BCKDHB: variants seen among roughly 807,000 people sequenced by gnomAD.
The protein encoded by BCKDHB is 2-oxoisovalerate dehydrogenase subunit beta, mitochondrial.
A neutral mutation model predicts 48.5 loss-of-function variants in BCKDHB; 41 were observed. That is an observed-to-expected ratio of 0.85 (90% CI 0.66 to 1.10). The LOEUF (loss-of-function observed/expected upper bound fraction) is 1.10, where lower values mean the gene tolerates loss of function less well. Among genes scored for constraint, BCKDHB ranks in the 50% least tolerant of loss-of-function variants. The pLI is 0.00. For synonymous variants in BCKDHB, 201 were observed against 174.8 expected, an observed-to-expected ratio of 1.15 and a Z score of -1.18; for missense variants, 496 against 494.2, an observed-to-expected ratio of 1.00 and a Z score of -0.03.
rs138734744 is a variant in BCKDHB at position 80,179,773 on chromosome 6, C to T, written c.742+8383C>T. Among the ~76,000 whole-genome samples the T allele has an allele frequency of 1.7e-3, 264 of 152,290 alleles. 1 individual carries two copies. The highest frequency in any genetic ancestry group is 6.0e-3 in the African/African-American group (250 of 41,556). On this transcript the variant is annotated intron_variant, in intron 6 of 9. Coordinates refer to ENST00000320393, the MANE Select transcript of BCKDHB (RefSeq NM_183050.4). ...AGTTATAAAAACTACATGTCACAGT[C>T]TGGTCTGGTTACAGGTAGGGGGTTT... is the stretch of plus-strand genomic sequence containing the variant.
At chr6:80,396,196 A>G in the BCKDHB span, among the ~76,000 whole-genome samples, 1 of 152,166 alleles carries the variant, frequency 6.6e-6, no homozygotes, top group Non-Finnish European at 1.5e-5. Flanking sequence ...AGATCCACTG[A>G]CAGCTTGCAC....
chr6:80,234,733 G>T (rs1776075304), intron 8 of BCKDHB, among the ~76,000 whole-genome samples: 1 of 152,212 alleles, frequency 6.6e-6, no homozygotes, highest in African/African-American at 2.4e-5. Context: ...AGATATCTCT[G>T]CTCCCATGTG....
the BCKDHB span, among the ~76,000 whole-genome samples, chr6:80,398,885 AG>A: frequency 5.0e-4 from 76 of 152,286 alleles, no homozygotes; most frequent in East Asian, 0.013. Context: ...CACATCCAAA[AG>A]CTTATCCACC....
chr6:80,140,799 C>T (rs1771164418), intron 3 of BCKDHB, among the ~76,000 whole-genome samples: 1 of 152,294 alleles, frequency 6.6e-6, no homozygotes, highest in Non-Finnish European at 1.5e-5. Flanking sequence ...GCTTTGGTAT[C>T]AGGATGTTGC....
At chr6:80,390,060 C>T in the BCKDHB span, among the ~76,000 whole-genome samples, 1 of 152,136 alleles carries the variant, frequency 6.6e-6, no homozygotes, top group African/African-American at 2.4e-5. Context: ...ACTTTGGGGT[C>T]CTCTTACTTT....
intron 1 of BCKDHB, among the ~76,000 whole-genome samples, chr6:80,125,145 C>T (rs1770276454): frequency 6.6e-6 from 1 of 152,280 alleles, no homozygotes; most frequent in East Asian, 1.9e-4. Flanking sequence ...GCAGCTTCTC[C>T]ATCAGCACTT....
chr6:80,213,086 G>T (rs1775013302), intron 8 of BCKDHB, among the ~76,000 whole-genome samples: 1 of 152,166 alleles, frequency 6.6e-6, no homozygotes, highest in African/African-American at 2.4e-5. Flanking sequence ...ATTAGCAAGA[G>T]AAAGTTTAAC....
intron 1 of BCKDHB, among the ~76,000 whole-genome samples, chr6:80,122,223 G>A (rs896644648): frequency 1.3e-5 from 2 of 152,196 alleles, no homozygotes; most frequent in African/African-American, 4.8e-5. Context: ...TGGTGGATAA[G>A]ATTTTTTATG....
At chr6:80,422,215 C>T in the BCKDHB span, among the ~76,000 whole-genome samples, 1 of 152,204 alleles carries the variant, frequency 6.6e-6, no homozygotes, top group East Asian at 1.9e-4. Context: ...GCCATGGCTT[C>T]AGAGGGTACA....
intron 8 of BCKDHB, among the ~76,000 whole-genome samples, chr6:80,252,724 C>T (rs1776883789): frequency 1.3e-5 from 2 of 151,948 alleles, no homozygotes; most frequent in Admixed American, 1.3e-4. Flanking sequence ...GAAATTTTTA[C>T]AAAGTATAGT....
At chr6:80,320,088 T>C (rs1477911040) in intron 9 of BCKDHB, among the ~76,000 whole-genome samples, 4 of 152,218 alleles carry the variant, frequency 2.6e-5, no homozygotes, top group Non-Finnish European at 5.9e-5. Flanking sequence ...ATAAAACCAT[T>C]ATAAATAAGT....
downstream of BCKDHB, among the ~76,000 whole-genome samples, chr6:80,346,502 C>G (rs761245315): frequency 6.6e-6 from 1 of 152,002 alleles, no homozygotes; most frequent in Admixed American, 6.6e-5. Context: ...AACAAGGTGT[C>G]GTAATGAATG....
At chr6:80,307,583 G>GA in intron 9 of BCKDHB, 2 of 984,740 alleles carry the variant, frequency 2.0e-6, no homozygotes, top group Non-Finnish European at 2.4e-6. Context: ...ATCTTCTAGT[G>GA]AAAAATAACA....
chr6:80,175,541 T>C (rs1773110289), intron 6 of BCKDHB, among the ~76,000 whole-genome samples: 1 of 152,196 alleles, frequency 6.6e-6, no homozygotes, highest in African/African-American at 2.4e-5. Context: ...CTTCTAGGAA[T>C]CCATTTTGGA....
the BCKDHB span, among the ~76,000 whole-genome samples, chr6:80,441,934 A>G: frequency 2.0e-4 from 31 of 152,212 alleles, no homozygotes; most frequent in Non-Finnish European, 3.7e-4. Flanking sequence ...TTATTCAATT[A>G]CAATATGATT....
At chr6:80,112,041 C>G (rs1399156586) in intron 1 of BCKDHB, among the ~76,000 whole-genome samples, 2 of 152,200 alleles carry the variant, frequency 1.3e-5, no homozygotes, top group African/African-American at 2.4e-5. Context: ...TAAAGTTATA[C>G]TTAAGTCATG....
chr6:80,430,717 T>C, the BCKDHB span, among the ~76,000 whole-genome samples: 1 of 146,970 alleles, frequency 6.8e-6, no homozygotes, highest in East Asian at 1.9e-4. Context: ...CCTTTTCTTC[T>C]TTATGAGTCT....
chr6:80,162,874 T>C (rs1772386463), intron 3 of BCKDHB, among the ~76,000 whole-genome samples: 1 of 151,844 alleles, frequency 6.6e-6, no homozygotes, highest in Non-Finnish European at 1.5e-5. Flanking sequence ...CAAAACTCTC[T>C]TGACCCCATA....
intron 6 of BCKDHB, among the ~76,000 whole-genome samples, chr6:80,177,630 G>A (rs1773226663): frequency 6.6e-6 from 1 of 152,078 alleles, no homozygotes; most frequent in Non-Finnish European, 1.5e-5. Flanking sequence ...TGCCTCATCA[G>A]AACTAAACCA....
Sources: allele counts gnomAD v4.1 joint callset (sites outside exome capture counted in the v4.1 genomes callset), GRCh38; gene constraint gnomAD v4.1.1; transcripts MANE v1.5; gene names NCBI Gene and HGNC (gene_info 2026-07-23, HGNC 2026-07-21).